The following JMJD1C variants were observed in gnomAD, a reference collection of about 807,000 sequenced individuals.
JMJD1C encodes the protein jumonji domain-containing protein 1C.
Under a neutral mutation model 245.3 loss-of-function variants are expected in JMJD1C, and 31 were observed. The ratio of observed to expected loss-of-function variants is 0.13; its 90% CI spans 0.09 to 0.17. JMJD1C has a LOEUF of 0.17. Among genes scored for constraint, JMJD1C ranks in the 10% least tolerant of loss-of-function variants. The pLI, the probability that JMJD1C is intolerant of heterozygous loss-of-function variation, is 1.00. For missense variants in JMJD1C, 2,691 were observed against 3,000.2 expected, an observed-to-expected ratio of 0.90 and a Z score of 2.41; for synonymous variants, 1,057 against 1,017.4, an observed-to-expected ratio of 1.04 and a Z score of -0.74.
chr10:63,465,877 T>C lies in JMJD1C; in HGVS notation c.-215A>G. ...CCTTTGGACTCCCAGATTCGCAGCCTTGTGCTGCAGCGCCACACAAGAAAA... is the reference window on the plus strand; with the variant it reads ...CCTTTGGACTCCCAGATTCGCAGCCCTGTGCTGCAGCGCCACACAAGAAAA... On this transcript the variant is annotated 5_prime_UTR_variant, in exon 1 of 26. Transcript: ENST00000399262. 2.9e-6 allele frequency: 2 copies of C among 680,242 alleles called. No homozygotes were observed. The highest frequency in any genetic ancestry group is 5.4e-6 in the Non-Finnish European group (2 of 373,376). The allele number at this position is 680,242 out of a possible 1,614,324, so 42.1% of individuals were successfully genotyped here.
chr10:63,284,484 A>G (rs1017815699), intron 2 of JMJD1C, among the ~76,000 whole-genome samples: 7 of 152,292 alleles, frequency 4.6e-5, no homozygotes, highest in Middle Eastern at 3.4e-3. Context: ...GTGGTTCTCA[A>G]AGGATAACCC....
intron 1 of JMJD1C, among the ~76,000 whole-genome samples, chr10:63,412,670 C>T (rs977438504): frequency 8.5e-5 from 13 of 152,070 alleles, no homozygotes; most frequent in Non-Finnish European, 1.9e-4. Context: ...TGCCATGTCA[C>T]GTCTCTGTGT....
intron 3 of JMJD1C, chr10:63,222,244 T>C (rs1259869079): frequency 3.8e-6 from 3 of 797,118 alleles, no homozygotes; most frequent in East Asian, 4.9e-5. Flanking sequence ...AGCATCAAGA[T>C]GATTTACAGG....
At chr10:63,254,335 T>G (rs1403795851) in intron 3 of JMJD1C, among the ~76,000 whole-genome samples, 1 of 152,194 alleles carries the variant, frequency 6.6e-6, no homozygotes, top group Non-Finnish European at 1.5e-5. Context: ...TGTAGCTTGA[T>G]GCCAGTGTAC....
At chr10:63,373,968 T>C (rs1294736705) in intron 2 of JMJD1C, among the ~76,000 whole-genome samples, 1 of 152,188 alleles carries the variant, frequency 6.6e-6, no homozygotes, top group East Asian at 1.9e-4. Flanking sequence ...TCACTTCACT[T>C]GTTTATTAAT....
At chr10:63,200,388 T>C (rs1401729856) in intron 11 of JMJD1C, 88 bp downstream of exon 11, 1 of 947,844 alleles carries the variant, frequency 1.1e-6, no homozygotes, top group East Asian at 2.6e-5. Flanking sequence ...TACTCCCCCA[T>C]CCAAAAGGGA....
At chr10:63,418,721 GT>G (rs1037556135) in intron 1 of JMJD1C, among the ~76,000 whole-genome samples, 14 of 146,528 alleles carry the variant, frequency 9.6e-5, no homozygotes, top group Non-Finnish European at 4.5e-5. Context: ...AAAATATCAT[GT>G]GGGGGGGGTT....
At chr10:63,520,969 A>C (rs1279628320) in intron 1 of JMJD1C, among the ~76,000 whole-genome samples, 1 of 152,178 alleles carries the variant, frequency 6.6e-6, no homozygotes, top group African/African-American at 2.4e-5. Flanking sequence ...GGCCAGGCAC[A>C]CCTCAAAGTC....
At chr10:63,222,830 T>C in intron 3 of JMJD1C, 1 of 1,437,798 alleles carries the variant, frequency 7.0e-7, no homozygotes. Context: ...TGCACCTTGG[T>C]GTGGAGTCAA....
chr10:63,367,472 T>C (rs1215394597), intron 2 of JMJD1C, among the ~76,000 whole-genome samples: 1 of 152,012 alleles, frequency 6.6e-6, no homozygotes, highest in Non-Finnish European at 1.5e-5. Flanking sequence ...TCTCAAACTC[T>C]CAACCTCAGG....
At position 63,207,323 on chromosome 10, in the gene JMJD1C, T is replaced by C. The variant is rs1846750457; in HGVS notation, c.4346A>G (p.Lys1449Arg). ...SQPVAQKQEC[K>R]VSTTAPVTLA... ...TGTAACTGGTGCTGTGGTGCTGACC[T>C]TGCATTCTTGTTTTTGAGCCACTGG... Residue 1449 changes from lysine (K) to arginine (R), a missense_variant, in exon 10 of 26, where the codon AAG becomes AGG. Lys to Arg is a conservative substitution (Grantham distance 26, BLOSUM62 2). Transcript: ENST00000399262. The C allele has an allele frequency of 2.5e-6, 4 of 1,613,530 alleles. No individual in the cohort carries two copies. Among genetic ancestry groups the C allele is most frequent in the South Asian group, 2.2e-5 (2 of 91,090 alleles).
intron 2 of JMJD1C, among the ~76,000 whole-genome samples, chr10:63,361,729 A>AAG (rs1416126108): frequency 2.1e-5 from 1 of 47,514 alleles, no homozygotes; most frequent in African/African-American, 6.2e-5. Flanking sequence ...TAAAAAAAAA[A>AAG]AAAAAAAAAA....
At chr10:63,259,617 CATTGA>C (rs1444575861) in intron 3 of JMJD1C, among the ~76,000 whole-genome samples, 3 of 152,152 alleles carry the variant, frequency 2.0e-5, no homozygotes, top group Admixed American at 2.0e-4. Flanking sequence ...GAAAAACTAT[CATTGA>C]AAGACTACAG....
chr10:63,189,052 C>T (rs1844459413), intron 18 of JMJD1C, 116 bp downstream of exon 18: 1 of 809,534 alleles, frequency 1.2e-6, no homozygotes, highest in African/African-American at 1.7e-5. Flanking sequence ...TATTGTCCCC[C>T]AAATGTGTTA....
In JMJD1C at chr10:63,214,196, C is replaced by T; in HGVS notation, c.1971G>A (p.Lys657=). 6.2e-7 allele frequency: 1 copy of T among 1,614,080 alleles called. No homozygotes were observed. Among genetic ancestry groups the T allele is most frequent in the Non-Finnish European group, 8.5e-7 (1 of 1,180,022 alleles). Residue 657 remains lysine, a synonymous_variant, in exon 8 of 26, where the codon AAG becomes AAA. Coordinates refer to ENST00000399262, the MANE Select transcript of JMJD1C (RefSeq NM_032776.3). ...PKITHSPDSV[K]SKATYVNSQA... is the part of the protein sequence containing the mutation. Reference sequence around the variant, plus strand: ...GGCTGTTCACATAAGTGGCCTTAGACTTTACAGAATCAGGAGAATGAGTTA... The same window carrying T: ...GGCTGTTCACATAAGTGGCCTTAGATTTTACAGAATCAGGAGAATGAGTTA...
upstream of JMJD1C, chr10:63,466,109 G>A (rs1953257329): frequency 3.2e-5 from 6 of 188,606 alleles, no homozygotes; most frequent in South Asian, 5.5e-4. Context: ...TGCGGAGGCG[G>A]CAGCGGCCAC....
At chr10:63,374,622 T>C (rs1230752508) in intron 2 of JMJD1C, among the ~76,000 whole-genome samples, 2 of 152,198 alleles carry the variant, frequency 1.3e-5, no homozygotes, top group African/African-American at 2.4e-5. Context: ...AAATCAGAGA[T>C]GCAGACAAAG....
intron 5 of JMJD1C, among the ~76,000 whole-genome samples, chr10:63,216,883 C>T (rs1046434574): frequency 6.6e-6 from 1 of 152,026 alleles, no homozygotes; most frequent in Non-Finnish European, 1.5e-5. Flanking sequence ...ATTTTTATTA[C>T]TGGAGGGACA....
chr10:63,296,915 T>A (rs1319367570), intron 2 of JMJD1C, among the ~76,000 whole-genome samples: 2 of 152,220 alleles, frequency 1.3e-5, no homozygotes, highest in African/African-American at 4.8e-5. Flanking sequence ...TAAGTTCCCA[T>A]TTTAAGATTT....
Sources: gnomAD v4.1 joint callset for allele counts (sites outside exome capture counted in the v4.1 genomes callset) on GRCh38, gnomAD v4.1.1 for gene constraint, MANE v1.5 for transcripts, NCBI Gene and HGNC (gene_info 2026-07-23, HGNC 2026-07-21) for gene names.